Variants in TANK observed in about 807,000 individuals in gnomAD.
The protein encoded by TANK is TRAF family member associated NFKB activator, also known as TRAF family member-associated NF-kappa-B activator.
Under a neutral mutation model 43.6 loss-of-function variants are expected in TANK, and 15 were observed. The ratio of observed to expected loss-of-function variants is 0.34; its 90% confidence interval spans 0.23 to 0.53. The LOEUF (loss-of-function observed/expected upper bound fraction) is 0.53, where lower values mean the gene tolerates loss of function less well. Among genes scored for constraint, TANK ranks in the 20% least tolerant of loss-of-function variants. The pLI is 0.94. For missense variants in TANK, 417 were observed against 498.6 expected, an observed-to-expected ratio of 0.84 and a Z score of 1.56; for synonymous variants, 162 against 178.2, an observed-to-expected ratio of 0.91 and a Z score of 0.73.
chr2:161,214,018 A>G (rs1687015339), intron 4 of TANK, among the ~76,000 whole-genome samples: 1 of 151,962 alleles, frequency 6.6e-6, no homozygotes, highest in African/African-American at 2.4e-5. Context: ...GCAAATGTTG[A>G]CCTATTATAT....
intron 1 of TANK, chr2:161,139,935 A>C (rs1343731811): frequency 1.0e-6 from 1 of 969,118 alleles, no homozygotes; most frequent in East Asian, 1.1e-4. Flanking sequence ...TCTTATATCC[A>C]ACTTATATTA....
rs535040247 is a variant in TANK, at chr2:161,191,325, G to A, written c.99+11564G>A. Among the ~76,000 whole-genome samples the A allele has an allele frequency of 2.0e-5, 3 of 152,276 alleles. No individual in the cohort carries two copies. In the South Asian group the frequency reaches 6.2e-4, roughly 32 times the overall value. On this transcript the variant is annotated intron_variant, in intron 2 of 7. Transcript: ENST00000392749. Reference sequence around the variant, plus strand: ...CAATTCAAGATGTACAGGATATAAAGTGATAGTCCTCTCCCTCACTCCCCA... The same window carrying A: ...CAATTCAAGATGTACAGGATATAAAATGATAGTCCTCTCCCTCACTCCCCA...
intron 2 of TANK, among the ~76,000 whole-genome samples, chr2:161,190,093 T>G (rs1267825980): frequency 1.3e-5 from 2 of 152,168 alleles, no homozygotes; most frequent in Non-Finnish European, 2.9e-5. Flanking sequence ...GGTAAGAAAT[T>G]GATATCTAGA....
At chr2:161,220,319 T>G (rs942324598) in intron 4 of TANK, among the ~76,000 whole-genome samples, 1 of 152,282 alleles carries the variant, frequency 6.6e-6, no homozygotes, top group South Asian at 2.1e-4. Context: ...ATTCCATAAC[T>G]CAGCTGGGCG....
At chr2:161,155,418 C>G (rs1296456211) in intron 1 of TANK, among the ~76,000 whole-genome samples, 1 of 151,726 alleles carries the variant, frequency 6.6e-6, no homozygotes, top group Non-Finnish European at 1.5e-5. Flanking sequence ...AAAATTTCAC[C>G]TTTCTTGAGT....
chr2:161,139,094 A>AT (rs1255290165), intron 1 of TANK, among the ~76,000 whole-genome samples: 2 of 152,058 alleles, frequency 1.3e-5, no homozygotes, highest in African/African-American at 4.8e-5. Context: ...TTGATCCCTC[A>AT]TTTTTTCTAA....
At position 161,199,700 on chromosome 2, in the gene TANK, G is replaced by T. The variant is rs145267828; in HGVS notation, c.100-3787G>T. On this transcript the variant is annotated intron_variant, in intron 2 of 7. Coordinates refer to ENST00000392749, the MANE Select transcript of TANK (RefSeq NM_001199135.3). The stretch of plus-strand genomic sequence containing the variant: ...TAAATTTAGGATGTGTGCTATATTT[G>T]ATCACCAGTGTTTTAAGTTTTACTT... 3.7e-3 allele frequency among the ~76,000 whole-genome samples: 567 copies of T among 152,224 alleles called. 3 individuals are homozygous for T. The highest frequency in any genetic ancestry group is 0.012 in the African/African-American group (519 of 41,536).
At position 161,231,262 on chromosome 2, in the gene TANK, T is replaced by C. The variant is rs1381683447; in HGVS notation, c.812T>C (p.Met271Thr). 1.9e-6 allele frequency: 3 copies of C among 1,614,072 alleles called. No individual in the cohort carries two copies. Among genetic ancestry groups the C allele is most frequent in the South Asian group, 1.1e-5 (1 of 91,082 alleles). ...GCAGTGTGCCAAGAGAAATTTAATATGGAGTTCAGAGACAACCCAGGGAAC... is the reference window on the plus strand; with the variant it reads ...GCAGTGTGCCAAGAGAAATTTAATACGGAGTTCAGAGACAACCCAGGGAAC... Reference protein sequence around the residue: ...SEAVCQEKFNMEFRDNPGNFV... With the variant: ...SEAVCQEKFNTEFRDNPGNFV... The change falls in exon 7 of 8, where the codon ATG becomes ACG. Residue 271 changes from methionine (M) to threonine (T), a missense_variant. Physicochemically the swap from Met to Thr is moderately conservative, Grantham distance 81. Coordinates refer to ENST00000392749, the MANE Select transcript of TANK (RefSeq NM_001199135.3).
At chr2:161,162,885 A>AT (rs756014785) in intron 1 of TANK, 19 of 152,118 alleles carry the variant, frequency 1.2e-4, no homozygotes, top group Non-Finnish European at 2.2e-4. Flanking sequence ...TGGAAGTTGG[A>AT]TTTTGTCAAA....
chr2:161,212,820 TC>T, intron 4 of TANK: 1 of 956,298 alleles, frequency 1.0e-6, no homozygotes, highest in Non-Finnish European at 1.2e-6. Context: ...TAGCCCCCTG[TC>T]CACCTCCATC....
At chr2:161,202,095 C>G (rs1205205879) in intron 2 of TANK, among the ~76,000 whole-genome samples, 1 of 151,268 alleles carries the variant, frequency 6.6e-6, no homozygotes, top group East Asian at 1.9e-4. Context: ...GGTTGCTTAT[C>G]AGCTTTGTCA....
At chr2:161,144,445 C>G (rs1486752355) in intron 1 of TANK, among the ~76,000 whole-genome samples, 2 of 152,174 alleles carry the variant, frequency 1.3e-5, no homozygotes, top group Admixed American at 1.3e-4. Flanking sequence ...GCATTTAGTG[C>G]TATAAACTTC....
intron 6 of TANK, among the ~76,000 whole-genome samples, chr2:161,226,080 A>G (rs932606191): frequency 6.6e-6 from 1 of 152,196 alleles, no homozygotes; most frequent in African/African-American, 2.4e-5. Flanking sequence ...GAGATGTAGT[A>G]CCTAGAATTC....
chr2:161,186,814 A>G (rs1055273368), intron 2 of TANK, among the ~76,000 whole-genome samples: 8 of 152,194 alleles, frequency 5.3e-5, no homozygotes, highest in African/African-American at 1.9e-4. Flanking sequence ...AGAAAATTCA[A>G]TAGCAAAACA....
chr2:161,186,507 A>G (rs1685669015), intron 2 of TANK, among the ~76,000 whole-genome samples: 3 of 152,236 alleles, frequency 2.0e-5, no homozygotes, highest in African/African-American at 7.2e-5. Flanking sequence ...GAATGAAAGT[A>G]GACCCTCATT....
At chr2:161,195,856 A>G (rs982504677) in intron 2 of TANK, among the ~76,000 whole-genome samples, 2 of 152,110 alleles carry the variant, frequency 1.3e-5, no homozygotes, top group African/African-American at 4.8e-5. Flanking sequence ...AGGCCCAGGC[A>G]GGCAGATCAC....
chr2:161,156,442 A>G, upstream of TANK: 1 of 873,116 alleles, frequency 1.1e-6, no homozygotes, highest in Non-Finnish European at 1.4e-6. Context: ...CTCTTTTTGC[A>G]TAGAAAATAC....
chr2:161,148,800 C>A (rs1381912898), intron 1 of TANK, among the ~76,000 whole-genome samples: 1 of 152,152 alleles, frequency 6.6e-6, no homozygotes, highest in Non-Finnish European at 1.5e-5. Context: ...ATGGTCTTGG[C>A]ACCCTTATAA....
chr2:161,169,113 TAAAG>T (rs1312695267), intron 1 of TANK, among the ~76,000 whole-genome samples: 2 of 152,044 alleles, frequency 1.3e-5, no homozygotes, highest in Non-Finnish European at 2.9e-5. Flanking sequence ...GGGATTCAAT[TAAAG>T]AAAGAGATGG....
Sources: allele counts gnomAD v4.1 joint callset (sites outside exome capture counted in the v4.1 genomes callset), GRCh38; gene constraint gnomAD v4.1.1; transcripts MANE v1.5; gene names NCBI Gene and HGNC (gene_info 2026-07-23, HGNC 2026-07-21).